The following FNTB variants were observed in gnomAD, a reference collection of about 807,000 sequenced individuals.
FNTB encodes the protein farnesyltransferase, CAAX box, subunit beta.
FNTB carries 27 observed loss-of-function variants against 59.4 expected under a neutral mutation model. That is an observed-to-expected ratio of 0.45 (90% CI 0.34 to 0.63). The LOEUF is 0.63. FNTB is among the 20% of genes least tolerant of loss of function. FNTB has a pLI of 0.02. For synonymous variants in FNTB, 230 were observed against 220.7 expected, an observed-to-expected ratio of 1.04 and a Z score of -0.37; for missense variants, 449 against 559.6, an observed-to-expected ratio of 0.80 and a Z score of 1.99.
chr14:65,061,333 T>A lies in FNTB; in HGVS notation c.*21T>A. The stretch of plus-strand genomic sequence containing the variant: ...ACTAGAGGACCTGGGTCCCGGCAGC[T>A]CTTTGCTCACCCATCTCCCCAGTCA... On this transcript the variant is annotated 3_prime_UTR_variant, in exon 12 of 12. Transcript: ENST00000246166. 1 of 1,612,980 alleles carries A rather than the reference T, an allele frequency of 6.2e-7. No individual in the cohort carries two copies. Among genetic ancestry groups the A allele is most frequent in the Middle Eastern group, 1.9e-4 (1 of 5,234 alleles).
rs1347859949 is a variant in FNTB at position 65,001,970 on chromosome 14, T to C, written c.145-2279T>C. Among the ~76,000 whole-genome samples, 3 of 152,214 alleles carry C rather than the reference T, an allele frequency of 2.0e-5. No individual in the cohort carries two copies. Among genetic ancestry groups the C allele is most frequent in the African/African-American group, 7.2e-5 (3 of 41,450 alleles). ...TATCAAAGCGTATTCTAAAACCAGATGTAAATTAATTTTAGATTGGCTGCC... is the reference window on the plus strand; with the variant it reads ...TATCAAAGCGTATTCTAAAACCAGACGTAAATTAATTTTAGATTGGCTGCC... On this transcript the variant is annotated intron_variant, in intron 1 of 11. Transcript: ENST00000246166. The surrounding 1 kb of genome is among the most constrained non-coding windows in gnomAD (Gnocchi z 5.5).
intron 1 of FNTB, among the ~76,000 whole-genome samples, chr14:64,993,401 G>A (rs997269295): frequency 6.6e-6 from 1 of 152,164 alleles, no homozygotes; most frequent in Non-Finnish European, 1.5e-5. Context: ...ATTACCATTA[G>A]CCAAAGCAGC....
Position 65,031,794 on chromosome 14 carries a change from G to A in FNTB, c.606-816G>A, listed in dbSNP as rs558883856. Among the ~76,000 whole-genome samples, 6 of 152,132 alleles carry A rather than the reference G, an allele frequency of 3.9e-5. No homozygotes were observed. In the South Asian group the frequency reaches 1.0e-3, roughly 26 times the overall value. Reference sequence around the variant, plus strand: ...AAATAAGCCAGGCATGGTGGCATGCGCCTGTAATCCCAGCTACTTGGGAGG... The same window carrying A: ...AAATAAGCCAGGCATGGTGGCATGCACCTGTAATCCCAGCTACTTGGGAGG... On this transcript the variant is annotated intron_variant, in intron 6 of 11. Coordinates refer to ENST00000246166, the MANE Select transcript of FNTB (RefSeq NM_002028.4). The surrounding 1 kb of genome is among the most constrained non-coding windows in gnomAD (Gnocchi z 4.6).
In FNTB at chr14:65,052,703, A is replaced by T. The variant is rs576578992; in HGVS notation, c.956-535A>T. Among the ~76,000 whole-genome samples the T allele has an allele frequency of 3.7e-4, 57 of 152,362 alleles. 2 individuals are homozygous for T. The South Asian group carries it at 0.012, about 31-fold the overall frequency. ...CAGTTACTAGTAATGTTTCTTAGGT[A>T]AATTCTTTGAGCTGAGAGACAAGTT... On this transcript the variant is annotated intron_variant, in intron 9 of 11. Coordinates refer to ENST00000246166, the MANE Select transcript of FNTB (RefSeq NM_002028.4).
At chr14:65,058,234 A>AT (rs2062784918) in intron 11 of FNTB, among the ~76,000 whole-genome samples, 1 of 143,244 alleles carries the variant, frequency 7.0e-6, no homozygotes, top group Non-Finnish European at 1.5e-5. Context: ...TTTTTTTATA[A>AT]TTTTTTCCAT....
At chr14:65,024,887 G>A (rs1247843295) in intron 4 of FNTB, among the ~76,000 whole-genome samples, 1 of 152,090 alleles carries the variant, frequency 6.6e-6, no homozygotes, top group African/African-American at 2.4e-5. Context: ...CCAAAGTACT[G>A]GAATTACAGG....
chr14:64,990,020 A>G lies in FNTB; in HGVS notation c.144+2923A>G, dbSNP rs551988584. Reference sequence around the variant, plus strand: ...TGTGATCTGAGACCTGAAGTCTCAGATGAGGGAGGAAGCCATCATGGATCT... The same window carrying G: ...TGTGATCTGAGACCTGAAGTCTCAGGTGAGGGAGGAAGCCATCATGGATCT... On this transcript the variant is annotated intron_variant, in intron 1 of 11. Coordinates refer to ENST00000246166, the MANE Select transcript of FNTB (RefSeq NM_002028.4). The surrounding 1 kb of genome is among the most constrained non-coding windows in gnomAD (Gnocchi z 5.2). Among the ~76,000 whole-genome samples, 1 of 152,212 alleles carries G rather than the reference A, an allele frequency of 6.6e-6. No homozygotes were observed. The highest frequency in any genetic ancestry group is 2.4e-5 in the African/African-American group (1 of 41,524).
Position 65,027,572 on chromosome 14 carries a change from C to T in FNTB, c.494C>T (p.Thr165Ile), listed in dbSNP as rs1484691602. 6.2e-7 allele frequency: 1 copy of T among 1,614,172 alleles called. No homozygotes were observed. Among genetic ancestry groups the T allele is most frequent in the Non-Finnish European group, 8.5e-7 (1 of 1,180,034 alleles). ...GTCAATGCATTGTGCATCATTGGCACCGAGGAGGCCTATGACATCATTAAC... is the reference window on the plus strand; with the variant it reads ...GTCAATGCATTGTGCATCATTGGCATCGAGGAGGCCTATGACATCATTAAC... Reference protein sequence around the residue: ...AAVNALCIIGTEEAYDIINRE... With the variant: ...AAVNALCIIGIEEAYDIINRE... The change falls in exon 5 of 12, where the codon ACC becomes ATC. Residue 165 changes from threonine (T) to isoleucine (I), a missense_variant. Coordinates refer to ENST00000246166, the MANE Select transcript of FNTB (RefSeq NM_002028.4). This position sits in a 1 kb window ranked among gnomAD's most constrained non-coding sequence, Gnocchi z 5.7.
chr14:65,032,844 T>TA lies in FNTB; in HGVS notation c.692+149dup. The TA allele has an allele frequency of 1.6e-6, 1 of 642,084 alleles. No homozygotes were observed. The highest frequency in any genetic ancestry group is 3.3e-5 in the South Asian group (1 of 30,482). 39.8% of individuals were successfully genotyped at this position (642,084 alleles called of 1,614,324 possible). A position where few individuals can be genotyped will look rare whatever the true frequency, so the allele number is the denominator to read the frequency against. On this transcript the variant is annotated intron_variant, in intron 7 of 11. Coordinates refer to ENST00000246166, the MANE Select transcript of FNTB (RefSeq NM_002028.4). The surrounding 1 kb of genome is among the most constrained non-coding windows in gnomAD (Gnocchi z 5.0). ...AGGGTTATCTAATGATTTTTTTAAATACTTAAAATGTCTTCTTTTTTCCAA... is the reference window on the plus strand; with the variant it reads ...AGGGTTATCTAATGATTTTTTTAAATAACTTAAAATGTCTTCTTTTTTCCAA...
rs1397217959 is a variant in FNTB at position 65,047,369 on chromosome 14, A to T, written c.955+2926A>T. On this transcript the variant is annotated intron_variant, in intron 9 of 11. Coordinates refer to ENST00000246166, the MANE Select transcript of FNTB (RefSeq NM_002028.4). The surrounding 1 kb of genome is among the most constrained non-coding windows in gnomAD (Gnocchi z 5.2). ...GTTGTGTGAATCCAGACTAGCTGGCATCTGAACCCTGCCCTGCTCATAACC... is the reference window on the plus strand; with the variant it reads ...GTTGTGTGAATCCAGACTAGCTGGCTTCTGAACCCTGCCCTGCTCATAACC... Among the ~76,000 whole-genome samples, 1 of 152,248 alleles carries T rather than the reference A, an allele frequency of 6.6e-6. No individual in the cohort carries two copies. The highest frequency in any genetic ancestry group is 1.9e-4 in the East Asian group (1 of 5,204).
intron 2 of FNTB, among the ~76,000 whole-genome samples, chr14:65,004,843 A>G (rs1428257290): frequency 6.6e-6 from 1 of 151,990 alleles, no homozygotes; most frequent in East Asian, 1.9e-4. Context: ...TTGTATTTTT[A>G]GTAGAGACAG....
At chr14:64,999,282 C>CA (rs1472514360) in intron 1 of FNTB, among the ~76,000 whole-genome samples, 4 of 151,818 alleles carry the variant, frequency 2.6e-5, no homozygotes, top group Admixed American at 2.0e-4. Flanking sequence ...ACTAAAAATA[C>CA]AAAAAATTAG....
Position 65,060,522 on chromosome 14 carries a change from C to T in FNTB, c.1183-659C>T, listed in dbSNP as rs61987404. Among the ~76,000 whole-genome samples, 152 of 127,302 alleles carry T rather than the reference C, an allele frequency of 1.2e-3. 20 individuals carry two copies. Among genetic ancestry groups the T allele is most frequent in the Non-Finnish European group, 1.7e-3 (110 of 65,950 alleles). The allele number at this position is 127,302 out of a possible 152,430, so 83.5% of individuals were successfully genotyped here. A position where few individuals can be genotyped will look rare whatever the true frequency, so the allele number is the denominator to read the frequency against. ...CCATCCCGGCTAAAACGGTGAAACC[C>T]CGTCTCTACTAAAAATACAAAAAAT... On this transcript the variant is annotated intron_variant, in intron 11 of 11. Coordinates refer to ENST00000246166, the MANE Select transcript of FNTB (RefSeq NM_002028.4).
rs144711621 is a variant in FNTB, at chr14:64,986,897, T to C, written c.-57T>C. On this transcript the variant is annotated 5_prime_UTR_variant, in exon 1 of 12. It removes an upstream start codon present in the reference 5' UTR. Transcript: ENST00000246166. ...GCGCTTTAGCCCGCTCGAGTTTCAATGCGCGTTGTTGCTTAACGAAGCAGA... is the reference window on the plus strand; with the variant it reads ...GCGCTTTAGCCCGCTCGAGTTTCAACGCGCGTTGTTGCTTAACGAAGCAGA... 2.5e-6 allele frequency: 4 copies of C among 1,602,194 alleles called. No individual in the cohort carries two copies. Among genetic ancestry groups the C allele is most frequent in the East Asian group, 2.2e-5 (1 of 44,778 alleles).
chr14:65,054,080 C>G lies in FNTB; in HGVS notation c.1068-495C>G, dbSNP rs774209512. ...AAGAAAAAAAATACAGTTCCCACTG[C>G]TGGGCAGGGCTGGAGGATGGGGCTT... On this transcript the variant is annotated intron_variant, in intron 10 of 11. Transcript: ENST00000246166. This position sits in a 1 kb window ranked among gnomAD's most constrained non-coding sequence, Gnocchi z 4.4. Among the ~76,000 whole-genome samples the G allele has an allele frequency of 2.8e-4, 42 of 152,258 alleles. 1 individual carries two copies. The highest frequency in any genetic ancestry group is 3.4e-3 in the Middle Eastern group (1 of 294).
chr14:64,997,019 T>C lies in FNTB; in HGVS notation c.145-7230T>C, dbSNP rs143428398. 2.2e-3 allele frequency among the ~76,000 whole-genome samples: 339 copies of C among 152,162 alleles called. 2 individuals carry two copies. Among genetic ancestry groups the C allele is most frequent in the African/African-American group, 7.8e-3 (325 of 41,510 alleles). ...ACACTGTCATTTTGCCTTTTTTCAT[T>C]TCACAGTAAAAAAAAAAATAGAAAC... On this transcript the variant is annotated intron_variant, in intron 1 of 11. Transcript: ENST00000246166. The surrounding 1 kb of genome is among the most constrained non-coding windows in gnomAD (Gnocchi z 4.5).
rs2061956348 is a variant in FNTB at position 65,025,133 on chromosome 14, C to T, written c.375-2320C>T. Among the ~76,000 whole-genome samples, 5 of 152,264 alleles carry T rather than the reference C, an allele frequency of 3.3e-5. No homozygotes were observed. The South Asian group carries it at 1.0e-3, about 32-fold the overall frequency. ...AAGCCCAACCTCCAGTTCTCTAGCA[C>T]AGCCCCAGACAGTCAGATGCAGCAT... On this transcript the variant is annotated intron_variant, in intron 4 of 11. Coordinates refer to ENST00000246166, the MANE Select transcript of FNTB (RefSeq NM_002028.4).
chr14:65,052,558 C>G (rs2062640163), intron 9 of FNTB, among the ~76,000 whole-genome samples: 1 of 152,196 alleles, frequency 6.6e-6, no homozygotes, highest in Non-Finnish European at 1.5e-5. Context: ...GTGTGGCCCA[C>G]AGAATTCTTT....
intron 4 of FNTB, chr14:65,016,652 C>T (rs1454259594): frequency 5.3e-5 from 8 of 152,306 alleles, no homozygotes; most frequent in Admixed American, 5.2e-4. Flanking sequence ...CAGAACTGCA[C>T]ATTGTCTCAT....
Sources: gnomAD v4.1 joint callset for allele counts (sites outside exome capture counted in the v4.1 genomes callset) on GRCh38, gnomAD v4.1.1 for gene constraint, Gnocchi (gnomAD v3.1) non-coding constraint, MANE v1.5 for transcripts, NCBI Gene and HGNC (gene_info 2026-07-23, HGNC 2026-07-21) for gene names.